Variants in EYS observed in about 807,000 individuals in gnomAD.
EYS encodes EGF-like photoreceptor maintenance factor.
In EYS, 250 loss-of-function variants were observed where a neutral mutation model predicts 282.1. That is an observed-to-expected ratio of 0.89 (90% CI 0.80 to 0.98). The LOEUF is 0.98. EYS is among the 50% of genes least tolerant of loss of function. The pLI, the probability that EYS is intolerant of heterozygous loss-of-function variation, is 0.00. For missense variants in EYS, 4,016 were observed against 3,709.0 expected (o/e 1.08, Z -2.15); for synonymous variants, 1,355 against 1,282.9 (o/e 1.06, Z -1.20).
chr6:65,111,324 AT>A (rs1245539832), intron 12 of EYS, among the ~76,000 whole-genome samples: 2 of 151,928 alleles, frequency 1.3e-5, no homozygotes, highest in African/African-American at 4.8e-5. Flanking sequence ...TCTTTCCTTA[AT>A]TCTTTAAGTG....
chr6:65,560,556 C>G (rs761076732), intron 2 of EYS, among the ~76,000 whole-genome samples: 28 of 151,228 alleles, frequency 1.9e-4, no homozygotes, highest in Non-Finnish European at 3.4e-4. Flanking sequence ...AAGACTTTTA[C>G]TCATTGTATA....
chr6:64,932,193 G>T (rs1768749738), intron 15 of EYS, among the ~76,000 whole-genome samples: 1 of 151,928 alleles, frequency 6.6e-6, no homozygotes, highest in African/African-American at 2.4e-5. Flanking sequence ...CAATATCATT[G>T]CAATAATGGT....
At chr6:63,857,691 T>G in intron 36 of EYS, 1 of 432,618 alleles carries the variant, frequency 2.3e-6, no homozygotes, top group Non-Finnish European at 4.7e-6. Flanking sequence ...GCCAATAAGT[T>G]TGATGTGGAT....
chr6:65,383,325 C>T (rs1356173317), intron 8 of EYS, among the ~76,000 whole-genome samples: 1 of 151,628 alleles, frequency 6.6e-6, no homozygotes, highest in Non-Finnish European at 1.5e-5. Flanking sequence ...TATAATCATA[C>T]TTTATTTCAC....
At chr6:65,614,235 G>A (rs114487994) in intron 2 of EYS, among the ~76,000 whole-genome samples, 1,923 of 152,018 alleles carry the variant, frequency 0.013, 27 homozygotes, top group African/African-American at 0.043. Context: ...CAGATGGTGA[G>A]ATGCTGAAAA....
chr6:64,858,738 T>G lies in EYS; in HGVS notation c.2992+27959A>C, dbSNP rs530010221. 6.5e-4 allele frequency among the ~76,000 whole-genome samples: 99 copies of G among 152,196 alleles called. No individual in the cohort carries two copies. The Middle Eastern group carries it at 0.01, about 16-fold the overall frequency. On this transcript the variant is annotated intron_variant, in intron 19 of 42. Coordinates refer to ENST00000503581, the MANE Select transcript of EYS (RefSeq NM_001142800.2). The stretch of plus-strand genomic sequence containing the variant: ...TAAAATTAAGAAAAATTATATGAAA[T>G]CATCTCAATAGATGCCAAAAAACCT...
intron 33 of EYS, among the ~76,000 whole-genome samples, chr6:64,033,298 A>G (rs1769950083): frequency 6.6e-6 from 1 of 152,212 alleles, no homozygotes; most frequent in Non-Finnish European, 1.5e-5. Context: ...CTTCCGTTAG[A>G]GAAAAAAGGC....
chr6:63,880,058 C>T (rs1332955695), intron 35 of EYS, among the ~76,000 whole-genome samples: 4 of 152,124 alleles, frequency 2.6e-5, no homozygotes, highest in Non-Finnish European at 5.9e-5. Context: ...CTCAAATTTA[C>T]ATATATTTAG....
chr6:64,833,143 TACC>T (rs977704520), intron 19 of EYS, among the ~76,000 whole-genome samples: 1 of 151,924 alleles, frequency 6.6e-6, no homozygotes, highest in Non-Finnish European at 1.5e-5. Context: ...TGTACTTCAA[TACC>T]ACAATACTAT....
Position 64,143,437 on chromosome 6 carries a change from T to A in EYS, c.6425-61435A>T, listed in dbSNP as rs563336628. ...AGAGGAGCTTGTGCATATGGAGGAA[T>A]AAGAAGTACATAGGAAGAACTCTTT... On this transcript the variant is annotated intron_variant, in intron 31 of 42. Coordinates refer to ENST00000503581, the MANE Select transcript of EYS (RefSeq NM_001142800.2). Among the ~76,000 whole-genome samples the A allele has an allele frequency of 2.0e-5, 3 of 149,422 alleles. No homozygotes were observed. In the East Asian group the frequency reaches 6.0e-4, roughly 30 times the overall value.
intron 14 of EYS, among the ~76,000 whole-genome samples, chr6:64,985,796 G>A (rs914386626): frequency 1.1e-4 from 16 of 151,414 alleles, no homozygotes; most frequent in Admixed American, 2.0e-4. Context: ...TTTATGTTCC[G>A]GAGAAAGTGT....
In EYS at chr6:65,405,154, T is replaced by C. The variant is rs779550906; in HGVS notation, c.1056+20A>G. 2 of 1,580,670 alleles carry C rather than the reference T, an allele frequency of 1.3e-6. No homozygotes were observed. Among genetic ancestry groups the C allele is most frequent in the Non-Finnish European group, 1.7e-6 (2 of 1,150,308 alleles). The stretch of plus-strand genomic sequence containing the variant: ...AAAAAAATTTAAAACCACTCACTTA[T>C]ATGTTAGATTGAGACTTACATTTGA... On this transcript the variant is annotated intron_variant, in intron 6 of 42. Transcript: ENST00000503581.
intron 13 of EYS, among the ~76,000 whole-genome samples, chr6:65,033,970 T>C (rs1772687561): frequency 6.6e-6 from 1 of 152,158 alleles, no homozygotes; most frequent in Non-Finnish European, 1.5e-5. Flanking sequence ...GCTGTGGAGC[T>C]ACTCAAGGCC....
At chr6:65,680,466 A>T (rs1036708549) in intron 1 of EYS, among the ~76,000 whole-genome samples, 16 of 152,008 alleles carry the variant, frequency 1.1e-4, no homozygotes, top group Non-Finnish European at 2.2e-4. Flanking sequence ...TTCATTCTAT[A>T]GTAAAGAAAA....
At chr6:64,996,587 A>C (rs1445232058) in intron 14 of EYS, among the ~76,000 whole-genome samples, 3 of 152,176 alleles carry the variant, frequency 2.0e-5, no homozygotes, top group Admixed American at 1.3e-4. Context: ...ACCAAGACAA[A>C]GCAACCAGAC....
rs1426058308 is a variant in EYS at position 64,079,739 on chromosome 6, C to T, written c.6571+2117G>A. Among the ~76,000 whole-genome samples, 4 of 152,120 alleles carry T rather than the reference C, an allele frequency of 2.6e-5. No individual in the cohort carries two copies. In the East Asian group the frequency reaches 7.7e-4, roughly 29 times the overall value. ...GCTCCCCGCTCCCCTGATACCACAA[C>T]AGGCCCCTGTGTGTGATGTTCCCCT... On this transcript the variant is annotated intron_variant, in intron 32 of 42. Transcript: ENST00000503581.
chr6:64,468,618 C>T (rs994481761), intron 26 of EYS, among the ~76,000 whole-genome samples: 1 of 152,158 alleles, frequency 6.6e-6, no homozygotes, highest in Non-Finnish European at 1.5e-5. Flanking sequence ...ATAAAACATA[C>T]TACCCAATAT....
intron 35 of EYS, among the ~76,000 whole-genome samples, chr6:63,953,198 T>A (rs1286242923): frequency 6.6e-6 from 1 of 152,174 alleles, no homozygotes; most frequent in South Asian, 2.1e-4. Context: ...GGACTGACCC[T>A]GACACCCATT....
chr6:63,967,495 T>A (rs544334648), intron 35 of EYS, among the ~76,000 whole-genome samples: 2 of 152,192 alleles, frequency 1.3e-5, no homozygotes, highest in Admixed American at 1.3e-4. Context: ...TGACTTGACA[T>A]TGGCAATGCT....
Sources: allele counts gnomAD v4.1 joint callset (sites outside exome capture counted in the v4.1 genomes callset), GRCh38; gene constraint gnomAD v4.1.1; transcripts MANE v1.5; gene names NCBI Gene and HGNC (gene_info 2026-07-23, HGNC 2026-07-21).